Variants in CALD1 observed in about 807,000 individuals in gnomAD.
CALD1 encodes caldesmon 1.
In CALD1, 33 loss-of-function variants were observed where a neutral mutation model predicts 99.9. The ratio of observed to expected loss-of-function variants is 0.33; its 90% confidence interval spans 0.25 to 0.44. The LOEUF (loss-of-function observed/expected upper bound fraction) is 0.44. CALD1 is among the 20% of genes least tolerant of loss of function. The pLI is 1.00. For synonymous variants in CALD1, 310 were observed against 325.0 expected, an observed-to-expected ratio of 0.95 and a Z score of 0.50; for missense variants, 861 against 962.1, an observed-to-expected ratio of 0.89 and a Z score of 1.39.
chr7:134,815,600 AC>A (rs1188022288), intron 1 of CALD1, among the ~76,000 whole-genome samples: 2 of 151,768 alleles, frequency 1.3e-5, no homozygotes, highest in Non-Finnish European at 2.9e-5. Flanking sequence ...GACCCTCTAA[AC>A]CATTTCTCAT....
chr7:134,960,542 G>C lies in CALD1; in HGVS notation c.2209G>C (p.Gly737Arg), dbSNP rs779388279. ...AAGTPNKETA[G>R]LKVGVSSRIN... ...GATTGCCCCTTTGTAGGAAACTGCT[G>C]GCTTGAAGGTAGGGGTTTCTAGCCG... The change falls in exon 13 of 15, where the codon GGC becomes CGC. Residue 737 changes from glycine (G) to arginine (R), a missense_variant. Physicochemically the swap from Gly to Arg is moderately radical, Grantham distance 125. Transcript: ENST00000361675. 7.5e-6 allele frequency: 12 copies of C among 1,610,436 alleles called. No homozygotes were observed. Among genetic ancestry groups the C allele is most frequent in the Non-Finnish European group, 1.0e-5 (12 of 1,176,694 alleles).
chr7:134,962,366 T>TAAAAAAAAAA (rs35952925), intron 13 of CALD1: 1 of 91,990 alleles, frequency 1.1e-5, no homozygotes, highest in African/African-American at 4.3e-5. Flanking sequence ...GACAGCCTCC[T>TAAAAAAAAAA]AAAAAAAAAA....
At chr7:134,745,341 C>G (rs1261524837) in intron 1 of CALD1, 5 of 151,978 alleles carry the variant, frequency 3.3e-5, no homozygotes, top group Non-Finnish European at 7.4e-5. Flanking sequence ...TCTTCCTTTT[C>G]TTCCTTTGGA....
intron 1 of CALD1, among the ~76,000 whole-genome samples, chr7:134,804,333 A>G (rs1698099243): frequency 6.6e-6 from 1 of 152,180 alleles, no homozygotes; most frequent in Non-Finnish European, 1.5e-5. Context: ...TTTGTTTTCT[A>G]TCATTAATGC....
intron 3 of CALD1, among the ~76,000 whole-genome samples, chr7:134,887,502 C>T (rs775625188): frequency 3.3e-5 from 5 of 152,188 alleles, no homozygotes; most frequent in Admixed American, 1.3e-4. Context: ...TTGTACTACT[C>T]GAACTGTTGC....
chr7:134,736,424 C>A, the CALD1 span, among the ~76,000 whole-genome samples: 1 of 152,162 alleles, frequency 6.6e-6, no homozygotes, highest in African/African-American at 2.4e-5. Flanking sequence ...TGCAGCTCCA[C>A]ACTCTACAGA....
intron 1 of CALD1, among the ~76,000 whole-genome samples, chr7:134,823,941 A>C (rs1469514666): frequency 1.3e-5 from 2 of 152,174 alleles, no homozygotes; most frequent in Non-Finnish European, 2.9e-5. Context: ...ATGCCATATG[A>C]TTTTTTAAAT....
intron 4 of CALD1, among the ~76,000 whole-genome samples, chr7:134,929,805 G>A (rs1586340847): frequency 6.7e-6 from 1 of 149,668 alleles, no homozygotes; most frequent in Non-Finnish European, 1.5e-5. Flanking sequence ...TTTCCCCTGG[G>A]TAGATACCCA....
chr7:134,747,622 G>A (rs1156421853), intron 1 of CALD1, among the ~76,000 whole-genome samples: 5 of 152,224 alleles, frequency 3.3e-5, no homozygotes, highest in Non-Finnish European at 7.3e-5. Context: ...GCTGCCCAGA[G>A]CAGCCTTATA....
At chr7:134,846,306 C>T (rs1183280209) in intron 2 of CALD1, among the ~76,000 whole-genome samples, 1 of 152,086 alleles carries the variant, frequency 6.6e-6, no homozygotes, top group Non-Finnish European at 1.5e-5. Context: ...CCTCCTTTGT[C>T]CATTGTCCCC....
chr7:134,810,502 C>T (rs1798311917), intron 1 of CALD1, among the ~76,000 whole-genome samples: 1 of 152,194 alleles, frequency 6.6e-6, no homozygotes, highest in African/African-American at 2.4e-5. Context: ...GCCTAGCACC[C>T]TGGGACAAGA....
intron 3 of CALD1, among the ~76,000 whole-genome samples, chr7:134,925,457 G>A (rs571108409): frequency 1.3e-5 from 2 of 152,210 alleles, no homozygotes; most frequent in South Asian, 2.1e-4. Flanking sequence ...TTGCACTGCC[G>A]TAAAGAACTG....
intron 1 of CALD1, among the ~76,000 whole-genome samples, chr7:134,761,981 A>G (rs1382605791): frequency 3.3e-5 from 5 of 152,160 alleles, no homozygotes; most frequent in Admixed American, 6.5e-5. Context: ...CCATCAGGCA[A>G]CCTTCTCTGT....
chr7:134,711,660 C>CTCTCTATATATATA, the CALD1 span, among the ~76,000 whole-genome samples: 4 of 78,356 alleles, frequency 5.1e-5, no homozygotes, highest in African/African-American at 2.5e-4. Context: ...CTCTCTCTCT[C>CTCTCTATATATATA]TATATATATA....
chr7:134,752,154 G>T (rs1796690444), intron 1 of CALD1, among the ~76,000 whole-genome samples: 1 of 152,168 alleles, frequency 6.6e-6, no homozygotes, highest in Non-Finnish European at 1.5e-5. Context: ...TGAGACCTCA[G>T]AGCTTAATGG....
At chr7:134,720,779 A>G in the CALD1 span, among the ~76,000 whole-genome samples, 1 of 152,236 alleles carries the variant, frequency 6.6e-6, no homozygotes. Context: ...CTAGCAGACA[A>G]GAAATGTCAG....
chr7:134,713,610 A>G, the CALD1 span, among the ~76,000 whole-genome samples: 1 of 152,184 alleles, frequency 6.6e-6, no homozygotes, highest in Non-Finnish European at 1.5e-5. Flanking sequence ...TGACATAATA[A>G]ATCCCCCCTA....
intron 3 of CALD1, among the ~76,000 whole-genome samples, chr7:134,880,936 G>A (rs1801571314): frequency 3.3e-5 from 5 of 152,108 alleles, no homozygotes; most frequent in Admixed American, 2.0e-4. Context: ...TAAACTCTAG[G>A]TTGAGGCTGG....
upstream of CALD1, among the ~76,000 whole-genome samples, chr7:134,740,047 A>C (rs917666466): frequency 2.5e-4 from 38 of 152,284 alleles, 1 homozygote; most frequent in African/African-American, 8.7e-4. Flanking sequence ...TCATAGACCC[A>C]GTGTAACTTC....
Sources: allele counts gnomAD v4.1 joint callset (sites outside exome capture counted in the v4.1 genomes callset), GRCh38; gene constraint gnomAD v4.1.1; transcripts MANE v1.5; gene names NCBI Gene and HGNC (gene_info 2026-07-23, HGNC 2026-07-21).